The following KLHL29 variants were observed in gnomAD, a reference collection of about 807,000 sequenced individuals.
KLHL29 encodes kelch like family member 29, also known as kelch-like protein 29.
KLHL29 carries 21 observed loss-of-function variants against 80.4 expected under a neutral mutation model. That is an observed-to-expected ratio of 0.26 (90% confidence interval 0.19 to 0.38). KLHL29 has a LOEUF of 0.38. KLHL29 is among the 10% of genes least tolerant of loss of function. KLHL29 has a pLI of 1.00. For synonymous variants in KLHL29, 511 were observed against 526.8 expected (o/e 0.97, Z 0.41); for missense variants, 867 against 1,223.9 (o/e 0.71, Z 4.35).
At position 23,385,763 on chromosome 2, in the gene KLHL29, C is replaced by T. The variant is rs1187616181; in HGVS notation, c.-171C>T. The T allele has an allele frequency of 3.2e-3, 19 of 5,960 alleles. No individual in the cohort carries two copies. In the Admixed American group the frequency reaches 0.22, roughly 68 times the overall value. 0.4% of individuals were successfully genotyped at this position (5,960 alleles called of 1,614,324 possible). A position where few individuals can be genotyped will look rare whatever the true frequency, so the allele number is the denominator to read the frequency against. On this transcript the variant is annotated 5_prime_UTR_variant, in exon 1 of 14. Transcript: ENST00000486442. ...GGCTCTCTGCGCGTCGGGCCGGGGCCGGAGCCGCGCGCCGGAGGTAAGAGC... is the reference window on the plus strand; with the variant it reads ...GGCTCTCTGCGCGTCGGGCCGGGGCTGGAGCCGCGCGCCGGAGGTAAGAGC...
chr2:23,660,747 C>T (rs1287511685), intron 5 of KLHL29, among the ~76,000 whole-genome samples: 1 of 152,166 alleles, frequency 6.6e-6, no homozygotes, highest in Non-Finnish European at 1.5e-5. Context: ...AGAAGCTGGC[C>T]GGGCACAGTG....
intron 11 of KLHL29, among the ~76,000 whole-genome samples, chr2:23,701,404 T>C (rs1303205154): frequency 1.3e-5 from 2 of 152,174 alleles, no homozygotes; most frequent in Admixed American, 6.5e-5. Flanking sequence ...TTGATCACAT[T>C]ATTTTCCTGC....
At chr2:23,537,008 G>A (rs1320014386) in intron 2 of KLHL29, among the ~76,000 whole-genome samples, 1 of 151,466 alleles carries the variant, frequency 6.6e-6, no homozygotes, top group Non-Finnish European at 1.5e-5. Flanking sequence ...GGACCTGCTG[G>A]CATCCCCATT....
intron 5 of KLHL29, among the ~76,000 whole-genome samples, chr2:23,664,904 G>T (rs912508695): frequency 1.3e-5 from 2 of 152,254 alleles, no homozygotes; most frequent in African/African-American, 4.8e-5. Context: ...CAGAGTGACG[G>T]GAGCCATAGG....
chr2:23,595,922 C>T lies in KLHL29; in HGVS notation c.285+33441C>T, dbSNP rs144405094. ...CATGACTCCCTGTCTGTAAATCACT[C>T]TCCTGCATCCCCATCCCATCCCCAG... On this transcript the variant is annotated intron_variant, in intron 3 of 13. Transcript: ENST00000486442. 5.3e-5 allele frequency among the ~76,000 whole-genome samples: 8 copies of T among 152,344 alleles called. No homozygotes were observed. The East Asian group carries it at 1.5e-3, about 29-fold the overall frequency.
chr2:23,468,799 AAAGACAGACTTCAGAC>A (rs1462516321), intron 1 of KLHL29, among the ~76,000 whole-genome samples: 1 of 152,212 alleles, frequency 6.6e-6, no homozygotes, highest in East Asian at 1.9e-4. Context: ...TCACCAGGCA[AAAGACAGACTTCAGAC>A]AAGAAACTGG....
At chr2:23,563,599 G>A (rs753513507) in intron 3 of KLHL29, among the ~76,000 whole-genome samples, 7 of 152,336 alleles carry the variant, frequency 4.6e-5, no homozygotes, top group Middle Eastern at 6.8e-3. Context: ...GCCCCAGCCC[G>A]GCCATTGTGA....
intron 3 of KLHL29, among the ~76,000 whole-genome samples, chr2:23,614,544 AAC>A (rs1477564670): frequency 6.6e-6 from 1 of 152,266 alleles, no homozygotes; most frequent in Non-Finnish European, 1.5e-5. Flanking sequence ...AAGATTTGCA[AAC>A]ACAATTAGTA....
chr2:23,563,999 T>C (rs11125109), intron 3 of KLHL29, among the ~76,000 whole-genome samples: 102,477 of 152,244 alleles, frequency 0.67, 34,989 homozygotes, highest in East Asian at 0.8. Flanking sequence ...CCGCTGGACC[T>C]GCTGGCCACA....
chr2:23,556,985 A>G (rs905076701), intron 2 of KLHL29, among the ~76,000 whole-genome samples: 1 of 152,156 alleles, frequency 6.6e-6, no homozygotes, highest in African/African-American at 2.4e-5. Context: ...CCCTCCATAC[A>G]AAGGGATGGC....
intron 1 of KLHL29, among the ~76,000 whole-genome samples, chr2:23,460,272 A>G (rs1664174402): frequency 6.6e-6 from 1 of 152,158 alleles, no homozygotes; most frequent in African/African-American, 2.4e-5. Context: ...TAGAGACATG[A>G]ATAAGTTATA....
chr2:23,603,002 T>G (rs1668611250), intron 3 of KLHL29, among the ~76,000 whole-genome samples: 1 of 152,158 alleles, frequency 6.6e-6, no homozygotes, highest in South Asian at 2.1e-4. Flanking sequence ...TGCCAATCCA[T>G]GAGTCACTGA....
intron 3 of KLHL29, among the ~76,000 whole-genome samples, chr2:23,590,676 T>C (rs1030282288): frequency 2.0e-5 from 3 of 152,162 alleles, no homozygotes; most frequent in Non-Finnish European, 4.4e-5. Context: ...GGGCAGCTTC[T>C]GAAGTCCAGG....
intron 1 of KLHL29, among the ~76,000 whole-genome samples, chr2:23,414,714 A>G (rs1382694169): frequency 6.6e-6 from 1 of 152,238 alleles, no homozygotes; most frequent in Non-Finnish European, 1.5e-5. Context: ...GAAGCCACAT[A>G]GCATAGCCCC....
intron 2 of KLHL29, among the ~76,000 whole-genome samples, chr2:23,552,761 C>CTTTTTTTCTTTTTTTTTT (rs1553338052): frequency 1.0e-5 from 1 of 95,576 alleles, no homozygotes; most frequent in African/African-American, 4.7e-5. Context: ...GGTTTCTTTT[C>CTTTTTTTCTTTTTTTTTT]TTTTTTTTTT....
intron 1 of KLHL29, among the ~76,000 whole-genome samples, chr2:23,431,521 G>A (rs1029654037): frequency 2.6e-5 from 4 of 152,232 alleles, no homozygotes; most frequent in Non-Finnish European, 5.9e-5. Context: ...GCCGGCAGCC[G>A]CCCCTCAGTA....
chr2:23,597,593 T>C (rs1668461228), intron 3 of KLHL29, among the ~76,000 whole-genome samples: 1 of 151,286 alleles, frequency 6.6e-6, no homozygotes, highest in Non-Finnish European at 1.5e-5. Context: ...CTTAGCTAAC[T>C]TTTGTATCTT....
intron 5 of KLHL29, among the ~76,000 whole-genome samples, chr2:23,651,687 A>T (rs1157701135): frequency 6.6e-6 from 1 of 151,996 alleles, no homozygotes; most frequent in Non-Finnish European, 1.5e-5. Flanking sequence ...AAATGCCACA[A>T]ATTGGGTGGC....
At chr2:23,470,311 A>C (rs1404499189) in intron 1 of KLHL29, among the ~76,000 whole-genome samples, 3 of 152,200 alleles carry the variant, frequency 2.0e-5, no homozygotes, top group Non-Finnish European at 4.4e-5. Context: ...CAGAGAGTGC[A>C]GAAAGAAGTG....
Sources: allele counts gnomAD v4.1 joint callset (sites outside exome capture counted in the v4.1 genomes callset), GRCh38; gene constraint gnomAD v4.1.1; transcripts MANE v1.5; gene names NCBI Gene and HGNC (gene_info 2026-07-23, HGNC 2026-07-21).